The following KCNAB1 variants were observed in gnomAD, a reference collection of about 807,000 sequenced individuals.
The protein encoded by KCNAB1 is potassium voltage-gated channel subfamily A regulatory beta subunit 1, also known as voltage-gated potassium channel subunit beta-1.
KCNAB1 carries 35 observed loss-of-function variants against 64.6 expected under a neutral mutation model. That is an observed-to-expected ratio of 0.54 (90% CI 0.41 to 0.72). The LOEUF (loss-of-function observed/expected upper bound fraction) is 0.72. Among genes scored for constraint, KCNAB1 ranks in the 30% least tolerant of loss-of-function variants. KCNAB1 has a pLI of 0.00. For synonymous variants in KCNAB1, 177 were observed against 183.8 expected, an observed-to-expected ratio of 0.96 and a Z score of 0.30; for missense variants, 401 against 512.9, an observed-to-expected ratio of 0.78 and a Z score of 2.11.
chr3:156,498,208 CA>C (rs1382137263), intron 8 of KCNAB1, among the ~76,000 whole-genome samples: 1 of 152,116 alleles, frequency 6.6e-6, no homozygotes, highest in Non-Finnish European at 1.5e-5. Context: ...TAAGAATGGA[CA>C]AGACAATGTT....
intron 1 of KCNAB1, among the ~76,000 whole-genome samples, chr3:156,223,802 A>G (rs1163023167): frequency 6.6e-6 from 1 of 152,212 alleles, no homozygotes; most frequent in Non-Finnish European, 1.5e-5. Flanking sequence ...AGCTAGACAT[A>G]AAGGTTCTCC....
intron 1 of KCNAB1, among the ~76,000 whole-genome samples, chr3:156,379,442 T>A (rs1368595270): frequency 6.6e-6 from 1 of 152,152 alleles, no homozygotes; most frequent in East Asian, 1.9e-4. Flanking sequence ...TTGTATTTTT[T>A]AAAGGGTACT....
intron 8 of KCNAB1, among the ~76,000 whole-genome samples, chr3:156,503,436 G>C (rs1716592069): frequency 6.6e-6 from 1 of 152,188 alleles, no homozygotes; most frequent in African/African-American, 2.4e-5. Context: ...GGATTAAAGA[G>C]TACATGTCTG....
At chr3:156,444,983 A>C (rs1482244050) in intron 2 of KCNAB1, among the ~76,000 whole-genome samples, 1 of 152,190 alleles carries the variant, frequency 6.6e-6, no homozygotes, top group Non-Finnish European at 1.5e-5. Context: ...TAAAAGAAGA[A>C]GAAAGGCAAG....
chr3:156,420,863 A>T (rs60276030), intron 1 of KCNAB1, among the ~76,000 whole-genome samples: 7,331 of 152,046 alleles, frequency 0.048, 569 homozygotes, highest in African/African-American at 0.17. Flanking sequence ...GCAAAAATAT[A>T]TTTCTTTTCC....
At chr3:156,359,846 C>T (rs1298782305) in intron 1 of KCNAB1, among the ~76,000 whole-genome samples, 3 of 152,008 alleles carry the variant, frequency 2.0e-5, no homozygotes, top group Non-Finnish European at 2.9e-5. Flanking sequence ...AAAGTGGAAC[C>T]GGAAATGCTA....
intron 1 of KCNAB1, among the ~76,000 whole-genome samples, chr3:156,134,292 C>T (rs1008700345): frequency 6.6e-6 from 1 of 152,146 alleles, no homozygotes; most frequent in African/African-American, 2.4e-5. Context: ...TTTTCTTCCT[C>T]TATTATTTTT....
chr3:156,511,912 G>A (rs2108386658), intron 8 of KCNAB1, among the ~76,000 whole-genome samples: 1 of 152,214 alleles, frequency 6.6e-6, no homozygotes, highest in South Asian at 2.1e-4. Flanking sequence ...CCATTGCTGG[G>A]ACTCACTAAG....
intron 1 of KCNAB1, among the ~76,000 whole-genome samples, chr3:156,385,179 G>A (rs1278832793): frequency 2.6e-5 from 4 of 152,140 alleles, no homozygotes; most frequent in African/African-American, 4.8e-5. Context: ...GGGGCTTTGA[G>A]GGAGACATCC....
At chr3:156,443,739 T>TACACACACAC (rs71141708) in intron 2 of KCNAB1, among the ~76,000 whole-genome samples, 27 of 141,842 alleles carry the variant, frequency 1.9e-4, no homozygotes, top group African/African-American at 5.6e-4. Context: ...ATTTAGTCCT[T>TACACACACAC]ACACACACAC....
chr3:156,236,388 A>C (rs1716852172), intron 1 of KCNAB1, among the ~76,000 whole-genome samples: 1 of 152,152 alleles, frequency 6.6e-6, no homozygotes, highest in South Asian at 2.1e-4. Flanking sequence ...AAGAACATGG[A>C]TTCTGAAGCT....
chr3:156,464,824 C>T (rs778941483), intron 6 of KCNAB1, among the ~76,000 whole-genome samples: 10 of 152,070 alleles, frequency 6.6e-5, no homozygotes, highest in Admixed American at 6.6e-4. Context: ...TTCACAGTGC[C>T]ATTGCTCAGT....
intron 1 of KCNAB1, among the ~76,000 whole-genome samples, chr3:156,254,670 T>G (rs1718005718): frequency 1.3e-5 from 2 of 152,218 alleles, no homozygotes; most frequent in Non-Finnish European, 2.9e-5. Context: ...TGACCTTTCG[T>G]TCTGTTTTAT....
At position 156,536,840 on chromosome 3, in the gene KCNAB1, GC is replaced by G. The variant is rs1719093494; in HGVS notation, c.*94del. The G allele has an allele frequency of 1.2e-6, 1 of 852,978 alleles. No individual in the cohort carries two copies. The highest frequency in any genetic ancestry group is 1.7e-5 in the African/African-American group (1 of 60,398). The allele number at this position is 852,978 out of a possible 1,614,324, so 52.8% of individuals were successfully genotyped here. A position where few individuals can be genotyped will look rare whatever the true frequency, so the allele number is the denominator to read the frequency against. On this transcript the variant is annotated 3_prime_UTR_variant, in exon 14 of 14. Transcript: ENST00000490337. The stretch of plus-strand genomic sequence containing the variant: ...ACTAACCAGTCTTTTGAATCACTTA[GC>G]AGCTTGCTGCTCAACCTCTAGTGTC...
At chr3:156,338,553 C>T (rs1472857679) in intron 1 of KCNAB1, among the ~76,000 whole-genome samples, 1 of 151,974 alleles carries the variant, frequency 6.6e-6, no homozygotes, top group Non-Finnish European at 1.5e-5. Context: ...CTCAGGTGAT[C>T]CACCCACCTT....
At chr3:156,141,252 T>G (rs1434189273) in intron 1 of KCNAB1, among the ~76,000 whole-genome samples, 1 of 152,190 alleles carries the variant, frequency 6.6e-6, no homozygotes, top group African/African-American at 2.4e-5. Flanking sequence ...ATTTTTCCAA[T>G]ATTATATGCA....
At chr3:156,216,255 G>T (rs1217775676) in intron 1 of KCNAB1, among the ~76,000 whole-genome samples, 1 of 152,200 alleles carries the variant, frequency 6.6e-6, no homozygotes, top group African/African-American at 2.4e-5. Flanking sequence ...AGTTGTAGAT[G>T]AAATCATTAT....
chr3:156,139,026 G>T (rs1463123840), intron 1 of KCNAB1, among the ~76,000 whole-genome samples: 1 of 152,156 alleles, frequency 6.6e-6, no homozygotes, highest in African/African-American at 2.4e-5. Context: ...ATCCTAAAAA[G>T]AATATGAAAA....
chr3:156,204,087 T>A (rs148333480), intron 1 of KCNAB1, among the ~76,000 whole-genome samples: 3 of 152,350 alleles, frequency 2.0e-5, no homozygotes, highest in Non-Finnish European at 4.4e-5. Flanking sequence ...GAAACCAAGA[T>A]GTCAGTGGGA....
Sources: gnomAD v4.1 joint callset for allele counts (sites outside exome capture counted in the v4.1 genomes callset) on GRCh38, gnomAD v4.1.1 for gene constraint, MANE v1.5 for transcripts, NCBI Gene and HGNC (gene_info 2026-07-23, HGNC 2026-07-21) for gene names.